Variants in NYAP2 observed in about 807,000 individuals in gnomAD.
NYAP2 encodes the protein neuronal tyrosine-phosphorylated phosphoinositide-3-kinase adapter 2.
NYAP2 carries 23 observed loss-of-function variants against 50.4 expected under a neutral mutation model. The observed-to-expected ratio is 0.46, with a 90% CI of 0.33 to 0.65. The LOEUF is 0.65. Ranked by LOEUF, NYAP2 falls within the 30% of genes least tolerant of loss-of-function variation. NYAP2 has a pLI of 0.02. For synonymous variants in NYAP2, 394 were observed against 365.2 expected (o/e 1.08, Z -0.90); for missense variants, 885 against 861.0 (o/e 1.03, Z -0.35).
chr2:225,459,884 C>G (rs1055178154), intron 3 of NYAP2, among the ~76,000 whole-genome samples: 2 of 151,980 alleles, frequency 1.3e-5, no homozygotes, highest in African/African-American at 4.8e-5. Flanking sequence ...CGTGTTAGCC[C>G]GGATGGTCTC....
At chr2:225,634,277 C>T (rs949050083) in intron 6 of NYAP2, among the ~76,000 whole-genome samples, 4 of 152,162 alleles carry the variant, frequency 2.6e-5, no homozygotes, top group Admixed American at 2.6e-4. Flanking sequence ...GGGCTTTATG[C>T]GCCATATGGT....
intron 3 of NYAP2, among the ~76,000 whole-genome samples, chr2:225,446,044 G>A (rs1033833532): frequency 1.3e-5 from 2 of 151,730 alleles, no homozygotes; most frequent in Non-Finnish European, 2.9e-5. Context: ...GGAGAGGTGT[G>A]GTAGTTCAAG....
At chr2:225,537,971 C>T (rs1691381405) in intron 4 of NYAP2, among the ~76,000 whole-genome samples, 1 of 152,162 alleles carries the variant, frequency 6.6e-6, no homozygotes, top group African/African-American at 2.4e-5. Flanking sequence ...TCCAGTGGGG[C>T]AATCAAATCT....
chr2:225,701,070 A>G, the NYAP2 span: 4 of 151,838 alleles, frequency 2.6e-5, no homozygotes, highest in African/African-American at 9.7e-5. Flanking sequence ...GATCTGGAAA[A>G]GTGGCTTCAC....
intron 3 of NYAP2, among the ~76,000 whole-genome samples, chr2:225,463,394 A>G (rs1689865418): frequency 6.6e-6 from 1 of 152,248 alleles, no homozygotes; most frequent in South Asian, 2.1e-4. Context: ...GTTTTCTCGT[A>G]TTTGTAACAC....
chr2:225,430,093 CTCTT>C (rs1304761346), intron 3 of NYAP2, among the ~76,000 whole-genome samples: 3 of 152,214 alleles, frequency 2.0e-5, no homozygotes, highest in Non-Finnish European at 4.4e-5. Context: ...CTCTCTCTCT[CTCTT>C]TCTCTTCCTC....
At chr2:225,573,150 C>A (rs557647762) in intron 4 of NYAP2, among the ~76,000 whole-genome samples, 1 of 150,292 alleles carries the variant, frequency 6.7e-6, no homozygotes, top group East Asian at 1.9e-4. Context: ...TACCCACATG[C>A]ACAGGAAATT....
chr2:225,698,873 G>A, the NYAP2 span: 9 of 151,360 alleles, frequency 5.9e-5, no homozygotes, highest in Non-Finnish European at 1.3e-4. Context: ...GTATTAACTG[G>A]TTTGTTATCT....
At chr2:225,559,406 C>T (rs1041472605) in intron 4 of NYAP2, among the ~76,000 whole-genome samples, 4 of 151,830 alleles carry the variant, frequency 2.6e-5, no homozygotes, top group Admixed American at 6.6e-5. Context: ...CATTGTCTGA[C>T]CTCAATTAGA....
chr2:225,538,772 CTTTTCT>C (rs1378485023), intron 4 of NYAP2, among the ~76,000 whole-genome samples: 8 of 102,296 alleles, frequency 7.8e-5, no homozygotes, highest in South Asian at 6.6e-4. Context: ...CTTTTCTTTT[CTTTTCT>C]TTTCTTTCTT....
rs1329141919 is a variant in NYAP2 at position 225,533,808 on chromosome 2, GTT to G, written c.523+20138_523+20139del. On this transcript the variant is annotated intron_variant, in intron 4 of 6. Coordinates refer to ENST00000636099, the Ensembl canonical transcript of NYAP2. Reference sequence around the variant, plus strand: ...GATAAATGAAAATTAGACCTCACTTGTTTCAATATTTTGTAATTTAATTTTTT... The same window carrying G: ...GATAAATGAAAATTAGACCTCACTTGTCAATATTTTGTAATTTAATTTTTT... 4.6e-5 allele frequency among the ~76,000 whole-genome samples: 7 copies of G among 152,138 alleles called. No homozygotes were observed. In the East Asian group the frequency reaches 7.7e-4, roughly 17 times the overall value.
intron 6 of NYAP2, among the ~76,000 whole-genome samples, chr2:225,640,917 A>G (rs745900897): frequency 3.9e-5 from 6 of 152,220 alleles, no homozygotes. Flanking sequence ...TAGTAATTTC[A>G]TTCTCAGTAG....
chr2:225,499,225 G>A (rs185473696), intron 3 of NYAP2, among the ~76,000 whole-genome samples: 3 of 152,028 alleles, frequency 2.0e-5, no homozygotes, highest in Non-Finnish European at 2.9e-5. Context: ...AAGAAGCTGC[G>A]GTCTAAAAGA....
chr2:225,579,568 A>C (rs1453768070), intron 4 of NYAP2, among the ~76,000 whole-genome samples: 1 of 152,214 alleles, frequency 6.6e-6, no homozygotes, highest in Non-Finnish European at 1.5e-5. Flanking sequence ...TTTGCTCACA[A>C]TTGGAGTAAA....
chr2:225,415,579 A>T (rs1695109652), intron 3 of NYAP2, among the ~76,000 whole-genome samples: 1 of 152,136 alleles, frequency 6.6e-6, no homozygotes, highest in Non-Finnish European at 1.5e-5. Flanking sequence ...GCATCTACTG[A>T]AGTGCATTTT....
intron 5 of NYAP2, among the ~76,000 whole-genome samples, chr2:225,592,586 T>G (rs1194114456): frequency 6.6e-6 from 1 of 152,202 alleles, no homozygotes; most frequent in Non-Finnish European, 1.5e-5. Flanking sequence ...AGGATGAGGT[T>G]AAATAGAGTA....
At chr2:225,425,416 A>G (rs1334373520) in intron 3 of NYAP2, among the ~76,000 whole-genome samples, 2 of 152,228 alleles carry the variant, frequency 1.3e-5, no homozygotes, top group Non-Finnish European at 2.9e-5. Context: ...TGGTTATTAA[A>G]TTGAGGTCTC....
intron 6 of NYAP2, among the ~76,000 whole-genome samples, chr2:225,641,755 G>A (rs1165481213): frequency 1.3e-5 from 2 of 152,090 alleles, no homozygotes; most frequent in Non-Finnish European, 2.9e-5. Context: ...GGAGGCAGAG[G>A]TTGCAGTGAG....
At chr2:225,424,925 C>T (rs1695264141) in intron 3 of NYAP2, among the ~76,000 whole-genome samples, 1 of 152,012 alleles carries the variant, frequency 6.6e-6, no homozygotes, top group South Asian at 2.1e-4. Flanking sequence ...CTGTGTAGTT[C>T]TATGAAGTAT....
Sources: allele counts gnomAD v4.1 joint callset (sites outside exome capture counted in the v4.1 genomes callset), GRCh38; gene constraint gnomAD v4.1.1; transcripts MANE v1.5; gene names NCBI Gene and HGNC (gene_info 2026-07-23, HGNC 2026-07-21).